The following PRDM16 variants were observed in gnomAD, a reference collection of about 807,000 sequenced individuals.
PRDM16 encodes histone-lysine N-methyltransferase PRDM16.
PRDM16 carries 23 observed loss-of-function variants against 110.6 expected under a neutral mutation model. That is an observed-to-expected ratio of 0.21 (90% CI 0.15 to 0.29). The LOEUF (loss-of-function observed/expected upper bound fraction) is 0.29. Among genes scored for constraint, PRDM16 ranks in the 10% least tolerant of loss-of-function variants. The pLI, the probability that PRDM16 is intolerant of heterozygous loss-of-function variation, is 1.00. For missense variants in PRDM16, 1,615 were observed against 1,794.3 expected, an observed-to-expected ratio of 0.90 and a Z score of 1.81; for synonymous variants, 799 against 781.8, an observed-to-expected ratio of 1.02 and a Z score of -0.37.
At position 3,244,105 on chromosome 1, in the gene PRDM16, G is replaced by C. The variant is rs1289595764; in HGVS notation, c.406G>C (p.Glu136Gln). 6.2e-7 allele frequency: 1 copy of C among 1,613,870 alleles called. No homozygotes were observed. Among genetic ancestry groups the C allele is most frequent in the African/African-American group, 1.3e-5 (1 of 74,940 alleles). Residue 136 changes from glutamate to glutamine, a missense_variant, in exon 3 of 17, where the codon GAA (glutamate) becomes CAA (glutamine). Physicochemically the swap from Glu to Gln is conservative, Grantham distance 29 (BLOSUM62 2). Around this residue, in one of 5 missense-constraint regions of PRDM16, gnomAD observed 416 missense variants for 467.1 expected, o/e 0.89. Transcript: ENST00000270722. This position sits in a 1 kb window ranked among gnomAD's most constrained non-coding sequence, Gnocchi z 4.1. ...TTTGCAGCAAATACTGACGGACGTG[G>C]AAGTGTCGCCCCAGGAAGGCTGCAT... ...FGWEQILTDV[E>Q]VSPQEGCITK... is the part of the protein sequence containing the mutation.
chr1:3,127,735 G>A (rs1643239565), intron 1 of PRDM16, among the ~76,000 whole-genome samples: 1 of 152,258 alleles, frequency 6.6e-6, no homozygotes, highest in Non-Finnish European at 1.5e-5. Flanking sequence ...CTGAATCTCT[G>A]AGCGAGAGGC....
chr1:3,387,078 G>A (rs1015403552), intron 4 of PRDM16, among the ~76,000 whole-genome samples: 1 of 152,176 alleles, frequency 6.6e-6, no homozygotes, highest in South Asian at 2.1e-4. Flanking sequence ...GGAATGGACT[G>A]CTTTGCAGCC....
chr1:3,402,527 G>T (rs1643489770), intron 5 of PRDM16, among the ~76,000 whole-genome samples: 1 of 152,230 alleles, frequency 6.6e-6, no homozygotes, highest in South Asian at 2.1e-4. Context: ...GCAGGGCCGG[G>T]TGTCGCCCGG....
chr1:3,347,449 C>A (rs1454566137), intron 3 of PRDM16, among the ~76,000 whole-genome samples: 1 of 152,218 alleles, frequency 6.6e-6, no homozygotes, highest in Non-Finnish European at 1.5e-5. Flanking sequence ...CGAGAGCCAT[C>A]CATCTGCTCC....
intron 2 of PRDM16, chr1:3,207,704 C>T (rs552900008): frequency 6.6e-6 from 1 of 152,378 alleles, no homozygotes; most frequent in East Asian, 1.9e-4. Flanking sequence ...GGAGTTCCGC[C>T]TCGCAGAATG....
chr1:3,350,259 C>T lies in PRDM16; in HGVS notation c.439-34893C>T, dbSNP rs193208330. ...GAGGATCGCTTGAGCTCAGGAGGTC[C>T]GGGCTACAGAGAGCTGTGATCACAC... On this transcript the variant is annotated intron_variant, in intron 3 of 16. Transcript: ENST00000270722. This position sits in a 1 kb window ranked among gnomAD's most constrained non-coding sequence, Gnocchi z 7.1. Among the ~76,000 whole-genome samples the T allele has an allele frequency of 1.3e-5, 2 of 152,190 alleles. No individual in the cohort carries two copies. The highest frequency in any genetic ancestry group is 6.5e-5 in the Admixed American group (1 of 15,282).
At chr1:3,374,503 C>T (rs1642959225) in intron 3 of PRDM16, among the ~76,000 whole-genome samples, 2 of 152,192 alleles carry the variant, frequency 1.3e-5, no homozygotes, top group African/African-American at 4.8e-5. Context: ...CCAAGGACTC[C>T]CCCACCGGCC....
At position 3,112,346 on chromosome 1, in the gene PRDM16, C is replaced by T. The variant is rs923621710; in HGVS notation, c.37+43050C>T. On this transcript the variant is annotated intron_variant, in intron 1 of 16. Coordinates refer to ENST00000270722, the MANE Select transcript of PRDM16 (RefSeq NM_022114.4). ...TGAAATTTCAGGGCTGAGCATCCAT[C>T]GTGGGCCCCGGGAACCGGCCTCTCA... 2.6e-5 allele frequency among the ~76,000 whole-genome samples: 4 copies of T among 152,222 alleles called. No individual in the cohort carries two copies. In the East Asian group the frequency reaches 5.8e-4, roughly 22 times the overall value.
intron 4 of PRDM16, among the ~76,000 whole-genome samples, chr1:3,392,444 G>A (rs575184202): frequency 7.2e-5 from 11 of 152,304 alleles, no homozygotes; most frequent in South Asian, 4.1e-4. Context: ...AAGAACGGCC[G>A]CTGCTCAGAT....
chr1:3,233,718 T>C (rs1639472968), intron 2 of PRDM16, among the ~76,000 whole-genome samples: 1 of 152,100 alleles, frequency 6.6e-6, no homozygotes, highest in Admixed American at 6.6e-5. Context: ...AAACTAATGA[T>C]GAATGAAGAG....
intron 2 of PRDM16, among the ~76,000 whole-genome samples, chr1:3,198,476 G>A (rs74427394): frequency 0.014 from 2,167 of 152,344 alleles, 66 homozygotes; most frequent in East Asian, 0.13. Flanking sequence ...GGGGAGCGTG[G>A]TCTCTTCTTG....
At chr1:3,352,930 C>T (rs1642522787) in intron 3 of PRDM16, among the ~76,000 whole-genome samples, 1 of 152,222 alleles carries the variant, frequency 6.6e-6, no homozygotes, top group African/African-American at 2.4e-5. Context: ...GGGGGCCGTC[C>T]TCTGCACAGG....
Position 3,300,053 on chromosome 1 carries a change from A to G in PRDM16, c.438+55916A>G, listed in dbSNP as rs55946936. The stretch of plus-strand genomic sequence containing the variant: ...GGCCGTGATGTTTCCGATCCCAGTC[A>G]TGGTGACTCTGCCCTTGTTGAAGAT... On this transcript the variant is annotated intron_variant, in intron 3 of 16. Transcript: ENST00000270722. 8.7e-3 allele frequency among the ~76,000 whole-genome samples: 474 copies of G among 54,624 alleles called. 14 individuals are homozygous for G. The highest frequency in any genetic ancestry group is 0.013 in the African/African-American group (248 of 18,774). 35.8% of individuals were successfully genotyped at this position (54,624 alleles called of 152,430 possible). A position where few individuals can be genotyped will look rare whatever the true frequency, so the allele number is the denominator to read the frequency against.
In PRDM16 at chr1:3,273,976, TAAAAAAAAAA is replaced by T. The variant is rs927412647; in HGVS notation, c.438+29853_438+29862del. Among the ~76,000 whole-genome samples the T allele has an allele frequency of 1.2e-4, 8 of 68,542 alleles. No homozygotes were observed. The East Asian group carries it at 1.9e-3, about 16-fold the overall frequency. 45.0% of individuals were successfully genotyped at this position (68,542 alleles called of 152,430 possible). A position where few individuals can be genotyped will look rare whatever the true frequency, so the allele number is the denominator to read the frequency against. Reference sequence around the variant, plus strand: ...TCACCGTGGACTTGGTATGGGGAGGTAAAAAAAAAAAAAAAAAAAAAAAGCCACTGAAAGG... The same window carrying T: ...TCACCGTGGACTTGGTATGGGGAGGTAAAAAAAAAAAAAGCCACTGAAAGG... On this transcript the variant is annotated intron_variant, in intron 3 of 16. Coordinates refer to ENST00000270722, the MANE Select transcript of PRDM16 (RefSeq NM_022114.4).
rs879245243 is a variant in PRDM16, at chr1:3,390,153, C to T, written c.573+4867C>T. Reference sequence around the variant, plus strand: ...CAAGAGCTTGGCGATGAAGCGCCTGCGGGGGGATGCGGGAGGCAGGGAGGA... The same window carrying T: ...CAAGAGCTTGGCGATGAAGCGCCTGTGGGGGGATGCGGGAGGCAGGGAGGA... On this transcript the variant is annotated intron_variant, in intron 4 of 16. Coordinates refer to ENST00000270722, the MANE Select transcript of PRDM16 (RefSeq NM_022114.4). The surrounding 1 kb of genome is among the most constrained non-coding windows in gnomAD (Gnocchi z 5.0). Among the ~76,000 whole-genome samples the T allele has an allele frequency of 6.6e-6, 1 of 152,124 alleles. No individual in the cohort carries two copies. Among genetic ancestry groups the T allele is most frequent in the South Asian group, 2.1e-4 (1 of 4,822 alleles).
chr1:3,318,987 C>G (rs987012624), intron 3 of PRDM16, among the ~76,000 whole-genome samples: 2 of 152,242 alleles, frequency 1.3e-5, no homozygotes, highest in Non-Finnish European at 2.9e-5. Context: ...TGGCTACAAA[C>G]ATGGCGTGAC....
chr1:3,360,079 T>C (rs959415879), intron 3 of PRDM16, among the ~76,000 whole-genome samples: 1 of 152,254 alleles, frequency 6.6e-6, no homozygotes, highest in Non-Finnish European at 1.5e-5. Flanking sequence ...AAAGCTCTGG[T>C]AAATGAATCG....
At chr1:3,169,573 G>A (rs1381986139) in intron 1 of PRDM16, among the ~76,000 whole-genome samples, 4 of 152,216 alleles carry the variant, frequency 2.6e-5, no homozygotes, top group African/African-American at 9.6e-5. Flanking sequence ...CAGGTCCCGG[G>A]GTTGTTGCTG....
intron 1 of PRDM16, among the ~76,000 whole-genome samples, chr1:3,183,997 A>ACC (rs57672093): frequency 1.3e-4 from 19 of 149,834 alleles, no homozygotes; most frequent in East Asian, 7.9e-4. Context: ...GTTAATTACC[A>ACC]CCCCCCCCAA....
Sources: gnomAD v4.1 joint callset for allele counts (sites outside exome capture counted in the v4.1 genomes callset) on GRCh38, gnomAD v4.1.1 for gene constraint, gnomAD v4.1.1 regional missense constraint, Gnocchi (gnomAD v3.1) non-coding constraint, MANE v1.5 for transcripts, NCBI Gene and HGNC (gene_info 2026-07-23, HGNC 2026-07-21) for gene names.